ST6GAL1: variants seen among roughly 807,000 people sequenced by gnomAD.
ST6GAL1 encodes the protein beta-galactoside alpha-2,6-sialyltransferase 1.
Under a neutral mutation model 38.0 loss-of-function variants are expected in ST6GAL1, and 20 were observed. The ratio of observed to expected loss-of-function variants is 0.53; its 90% CI spans 0.37 to 0.77. ST6GAL1 has a LOEUF of 0.77. Among genes scored for constraint, ST6GAL1 ranks in the 30% least tolerant of loss-of-function variants. The pLI, the probability that ST6GAL1 is intolerant of heterozygous loss-of-function variation, is 0.00. For missense variants in ST6GAL1, 432 were observed against 496.4 expected, an observed-to-expected ratio of 0.87 and a Z score of 1.23; for synonymous variants, 196 against 188.2, an observed-to-expected ratio of 1.04 and a Z score of -0.34.
chr3:186,996,901 C>G (rs1716430838), intron 2 of ST6GAL1, among the ~76,000 whole-genome samples: 1 of 151,794 alleles, frequency 6.6e-6, no homozygotes, highest in African/African-American at 2.4e-5. Flanking sequence ...CCTGCACTTT[C>G]CACCTTGTAT....
At position 187,045,148 on chromosome 3, in the gene ST6GAL1, A is replaced by T. The variant is rs755592978; in HGVS notation, c.607+1838A>T. Reference sequence around the variant, plus strand: ...TCTTCCCAACTACTGGATGGATCAGATTATTTCAAATGGTTTTCTTTTACA... The same window carrying T: ...TCTTCCCAACTACTGGATGGATCAGTTTATTTCAAATGGTTTTCTTTTACA... On this transcript the variant is annotated intron_variant, in intron 4 of 7. Transcript: ENST00000169298. Among the ~76,000 whole-genome samples the T allele has an allele frequency of 2.2e-4, 33 of 152,230 alleles. 1 individual carries two copies. The highest frequency in any genetic ancestry group is 7.3e-5 in the Non-Finnish European group (5 of 68,038).
intron 5 of ST6GAL1, among the ~76,000 whole-genome samples, chr3:187,068,901 C>G (rs1719264738): frequency 6.6e-6 from 1 of 152,238 alleles, no homozygotes; most frequent in Non-Finnish European, 1.5e-5. Flanking sequence ...TACTGGCCCT[C>G]TGTCCTCAGG....
At chr3:186,997,053 A>G (rs2108550009) in intron 2 of ST6GAL1, among the ~76,000 whole-genome samples, 1 of 152,056 alleles carries the variant, frequency 6.6e-6, no homozygotes, top group Non-Finnish European at 1.5e-5. Context: ...GGTGGGAAGG[A>G]AGAAATGTAT....
At chr3:186,971,399 A>G (rs1420966031) in intron 2 of ST6GAL1, among the ~76,000 whole-genome samples, 1 of 152,152 alleles carries the variant, frequency 6.6e-6, no homozygotes, top group African/African-American at 2.4e-5. Flanking sequence ...TGCCCCCCCA[A>G]CGTTAGCTGT....
rs761091147 is a variant in ST6GAL1 at position 187,072,914 on chromosome 3, G to T, written c.771G>T (p.Trp257Cys). The change falls in exon 6 of 8, where the codon TGG (tryptophan) becomes TGT (cysteine). Residue 257 changes from tryptophan (W) to cysteine (C), a missense_variant. Transcript: ENST00000169298. ...SLYNEGILIV[W>C]DPSVYHSDIP... ...ACAATGAAGGAATCCTAATTGTATG[G>T]GACCCATCTGTATACCACTCAGATA... 6.2e-7 allele frequency: 1 copy of T among 1,613,942 alleles called. No homozygotes were observed. The highest frequency in any genetic ancestry group is 1.1e-5 in the South Asian group (1 of 91,066).
chr3:187,024,276 G>C (rs1305514302), intron 2 of ST6GAL1, among the ~76,000 whole-genome samples: 1 of 151,452 alleles, frequency 6.6e-6, no homozygotes, highest in African/African-American at 2.4e-5. Context: ...TGTATTTTTA[G>C]TAGAGACGGG....
intron 2 of ST6GAL1, among the ~76,000 whole-genome samples, chr3:186,965,744 G>T (rs1715089099): frequency 6.6e-6 from 1 of 152,138 alleles, no homozygotes; most frequent in African/African-American, 2.4e-5. Context: ...CAGGGAACGT[G>T]GTGGGTGGTC....
intron 2 of ST6GAL1, among the ~76,000 whole-genome samples, chr3:187,014,358 C>T (rs972447105): frequency 2.6e-5 from 4 of 152,216 alleles, no homozygotes; most frequent in African/African-American, 9.6e-5. Context: ...CAGTCTTGGT[C>T]TTTGGTCCCC....
intron 5 of ST6GAL1, among the ~76,000 whole-genome samples, chr3:187,069,351 T>G (rs369226738): frequency 6.9e-4 from 105 of 152,308 alleles, no homozygotes; most frequent in African/African-American, 2.4e-3. Flanking sequence ...GCCAGGCTGG[T>G]CTTGAACTCC....
intron 3 of ST6GAL1, chr3:187,042,020 C>CTA (rs4012243): frequency 0.51 from 77,550 of 151,956 alleles, 22,812 homozygotes; most frequent in African/African-American, 0.81. Context: ...CTGCACAAAA[C>CTA]TGTGGTGGAG....
chr3:187,072,368 GTGTTGGA>G (rs1719413364), intron 5 of ST6GAL1: 1 of 203,230 alleles, frequency 4.9e-6, no homozygotes, highest in Admixed American at 5.3e-5. Context: ...TGTGTTGGCT[GTGTTGGA>G]CTGTGTTGGC....
Position 187,042,931 on chromosome 3 carries a change from G to A in ST6GAL1, c.228G>A (p.Gln76=). Residue 76 remains glutamine (Q), a synonymous_variant, in exon 4 of 8, where the codon CAG becomes CAA. Transcript: ENST00000169298. The part of the protein sequence containing the change: ...SSTQDPHRGR[Q]TLGSLRGLAK... ...CCCAGGACCCCCACAGGGGCCGCCA[G>A]ACCCTCGGCAGTCTCAGAGGCCTAG... The A allele has an allele frequency of 6.2e-7, 1 of 1,614,218 alleles. No homozygotes were observed. Among genetic ancestry groups the A allele is most frequent in the Non-Finnish European group, 8.5e-7 (1 of 1,180,044 alleles).
At chr3:187,061,176 T>C (rs548897364) in intron 5 of ST6GAL1, among the ~76,000 whole-genome samples, 15 of 152,248 alleles carry the variant, frequency 9.9e-5, no homozygotes, top group African/African-American at 3.4e-4. Flanking sequence ...ACCAAGGAGT[T>C]GAAAGACTTA....
intron 5 of ST6GAL1, among the ~76,000 whole-genome samples, chr3:187,053,482 G>A (rs962772916): frequency 6.6e-6 from 1 of 152,182 alleles, no homozygotes; most frequent in South Asian, 2.1e-4. Flanking sequence ...TGTGTAAGGT[G>A]TAAGGAAGGG....
chr3:186,979,505 T>TC, intron 2 of ST6GAL1, among the ~76,000 whole-genome samples: 1 of 151,426 alleles, frequency 6.6e-6, no homozygotes, highest in African/African-American at 2.4e-5. Context: ...TTTTGGATGG[T>TC]CCCCAAAGGA....
In ST6GAL1 at chr3:186,952,441, C is replaced by T. The variant is rs967060017; in HGVS notation, c.-324-11344C>T. ...TGGAACATCACTGTCTTTGCTTTTC[C>T]TCTTCTCTCACTAGGTTCTCCTTCT... On this transcript the variant is annotated intron_variant, in intron 1 of 7. Transcript: ENST00000169298. The surrounding 1 kb of genome is among the most constrained non-coding windows in gnomAD (Gnocchi z 4.1). Among the ~76,000 whole-genome samples the T allele has an allele frequency of 3.3e-5, 5 of 152,014 alleles. No individual in the cohort carries two copies. The highest frequency in any genetic ancestry group is 1.2e-4 in the African/African-American group (5 of 41,390).
At chr3:186,948,212 T>C (rs550455828) in intron 1 of ST6GAL1, among the ~76,000 whole-genome samples, 2 of 152,160 alleles carry the variant, frequency 1.3e-5, no homozygotes, top group Admixed American at 1.3e-4. Context: ...CAGGAATGAA[T>C]GTTGGAGCTG....
chr3:186,970,759 A>G (rs1715321181), intron 2 of ST6GAL1, among the ~76,000 whole-genome samples: 1 of 152,188 alleles, frequency 6.6e-6, no homozygotes, highest in Non-Finnish European at 1.5e-5. Flanking sequence ...AAATTACCGA[A>G]TAGTATTCCA....
At chr3:187,070,471 C>G (rs1719325181) in intron 5 of ST6GAL1, among the ~76,000 whole-genome samples, 1 of 139,136 alleles carries the variant, frequency 7.2e-6, no homozygotes, top group Non-Finnish European at 1.5e-5. Context: ...TGTTGCCAGG[C>G]TGGAGTGCAG....
Sources: gnomAD v4.1 joint callset for allele counts (sites outside exome capture counted in the v4.1 genomes callset) on GRCh38, gnomAD v4.1.1 for gene constraint, Gnocchi (gnomAD v3.1) non-coding constraint, MANE v1.5 for transcripts, NCBI Gene and HGNC (gene_info 2026-07-23, HGNC 2026-07-21) for gene names.